FYB2: variants seen among roughly 807,000 people sequenced by gnomAD.
FYB2 encodes the protein FYN binding protein 2.
FYB2 carries 103 observed loss-of-function variants against 94.1 expected under a neutral mutation model. The observed-to-expected ratio is 1.09, with a 90% CI of 0.93 to 1.29. FYB2 has a LOEUF of 1.29. Among genes scored for constraint, FYB2 ranks in the 50% most tolerant of loss-of-function variants. The pLI is 0.00. For missense variants in FYB2, 896 were observed against 841.5 expected, an observed-to-expected ratio of 1.06 and a Z score of -0.80; for synonymous variants, 293 against 287.9, an observed-to-expected ratio of 1.02 and a Z score of -0.18.
chr1:56,744,410 T>A (rs1360759231), intron 9 of FYB2, 144 bp from the exon 10 acceptor site: 3 of 628,250 alleles, frequency 4.8e-6, no homozygotes, highest in African/African-American at 3.7e-5. Context: ...GTATGTATGA[T>A]CCTTGGGCAA....
In FYB2 at chr1:56,792,500, C is replaced by A; in HGVS notation, c.313G>T (p.Ala105Ser). ...AGAGAAGCCTTCTGTGAACTTGTTGCAGAACATACAGTAGACTTTCCCAGA... is the reference window on the plus strand; with the variant it reads ...AGAGAAGCCTTCTGTGAACTTGTTGAAGAACATACAGTAGACTTTCCCAGA... ...GPLGKSTVCS[A>S]TSSQKASLLL... The change falls in exon 2 of 20, where the codon GCA (alanine) becomes TCA (serine). Residue 105 changes from alanine to serine, a missense_variant. Transcript: ENST00000343433. 6.2e-7 allele frequency: 1 copy of A among 1,614,132 alleles called. No individual in the cohort carries two copies. Among genetic ancestry groups the A allele is most frequent in the Non-Finnish European group, 8.5e-7 (1 of 1,180,000 alleles).
chr1:56,823,724 A>T (rs942366870), upstream of FYB2: 1 of 152,204 alleles, frequency 6.6e-6, no homozygotes, highest in African/African-American at 2.4e-5. Context: ...ACCTGCTTTG[A>T]GCCAGGTGCT....
chr1:56,804,208 A>G (rs1646585429), intron 1 of FYB2, among the ~76,000 whole-genome samples: 2 of 152,156 alleles, frequency 1.3e-5, no homozygotes, highest in South Asian at 4.1e-4. Context: ...CCTATATTCC[A>G]TGAACTCCTT....
At chr1:56,825,335 G>T in the FYB2 span, among the ~76,000 whole-genome samples, 1 of 152,142 alleles carries the variant, frequency 6.6e-6, no homozygotes, top group Admixed American at 6.5e-5. Flanking sequence ...GAGGTCTAGA[G>T]AAGAGTGCTA....
Position 56,805,350 on chromosome 1 carries a change from A to G in FYB2, c.10-12547T>C, listed in dbSNP as rs551213731. On this transcript the variant is annotated intron_variant, in intron 1 of 19. Coordinates refer to ENST00000343433, the MANE Select transcript of FYB2 (RefSeq NM_001004303.5). Reference sequence around the variant, plus strand: ...TTGTTGTATATTTGTGGGTAGGGTAACTGGGGAAAAATTGGGAGTAATTCT... The same window carrying G: ...TTGTTGTATATTTGTGGGTAGGGTAGCTGGGGAAAAATTGGGAGTAATTCT... 2.4e-4 allele frequency among the ~76,000 whole-genome samples: 36 copies of G among 152,346 alleles called. 2 individuals are homozygous for G. The South Asian group carries it at 7.0e-3, about 30-fold the overall frequency.
At chr1:56,761,555 A>G (rs921218921) in intron 5 of FYB2, among the ~76,000 whole-genome samples, 6 of 152,224 alleles carry the variant, frequency 3.9e-5, no homozygotes, top group African/African-American at 1.4e-4. Flanking sequence ...TCTGCAAAGC[A>G]CTAGTCTATA....
intron 4 of FYB2, among the ~76,000 whole-genome samples, chr1:56,785,931 C>T (rs1211782097): frequency 5.3e-5 from 8 of 152,196 alleles, no homozygotes; most frequent in Non-Finnish European, 8.8e-5. Context: ...GGCCATATTA[C>T]TTGCTTGGAC....
intron 4 of FYB2, among the ~76,000 whole-genome samples, chr1:56,775,561 C>T (rs1557145): frequency 0.18 from 27,783 of 152,054 alleles, 3,272 homozygotes; most frequent in East Asian, 0.45. Context: ...ATTATTCTTT[C>T]CACAATCAGA....
At chr1:56,755,325 C>A (rs1273019885) in intron 7 of FYB2, among the ~76,000 whole-genome samples, 3 of 152,036 alleles carry the variant, frequency 2.0e-5, no homozygotes, top group Admixed American at 2.0e-4. Flanking sequence ...ACATACTGTG[C>A]AAACAGACCT....
At chr1:56,818,455 AAC>A (rs3991685) in intron 1 of FYB2, among the ~76,000 whole-genome samples, 14,829 of 139,666 alleles carry the variant, frequency 0.11, 847 homozygotes, top group African/African-American at 0.17. Flanking sequence ...GTATGGAAGC[AAC>A]ACACACACAC....
At chr1:56,739,751 T>C (rs1417324216) in intron 13 of FYB2, among the ~76,000 whole-genome samples, 1 of 152,100 alleles carries the variant, frequency 6.6e-6, no homozygotes, top group Non-Finnish European at 1.5e-5. Flanking sequence ...TTACATGAGA[T>C]AGTCAACACT....
At chr1:56,723,714 A>G (rs1162900716) in intron 16 of FYB2, 33 bp from the exon 17 acceptor site, 3 of 1,270,630 alleles carry the variant, frequency 2.4e-6, no homozygotes, top group Non-Finnish European at 2.2e-6. Flanking sequence ...GGTAAAACGT[A>G]CTATAATAAA....
intron 4 of FYB2, among the ~76,000 whole-genome samples, chr1:56,783,484 T>C (rs1174526418): frequency 6.6e-6 from 1 of 152,174 alleles, no homozygotes; most frequent in Non-Finnish European, 1.5e-5. Context: ...GACTCCTGTT[T>C]TATACATTAT....
Position 56,753,867 on chromosome 1 carries a change from T to A in FYB2, c.1199A>T (p.Lys400Met). ...GAAAACATGGTTTGAATATGGTTCCTTTTCTGTGTTTTTAGGTTTCAATTC... is the reference window on the plus strand; with the variant it reads ...GAAAACATGGTTTGAATATGGTTCCATTTCTGTGTTTTTAGGTTTCAATTC... ...PCELKPKNTE[K>M]EPYSNHVFKV... Residue 400 changes from lysine (K) to methionine (M), a missense_variant, in exon 8 of 20, where the codon AAG (lysine) becomes ATG (methionine). Physicochemically the swap from Lys to Met is moderately conservative, Grantham distance 95. Transcript: ENST00000343433. 6.2e-7 allele frequency: 1 copy of A among 1,610,608 alleles called. No individual in the cohort carries two copies. Among genetic ancestry groups the A allele is most frequent in the East Asian group, 2.2e-5 (1 of 44,806 alleles).
At chr1:56,805,998 T>A (rs543007615) in intron 1 of FYB2, among the ~76,000 whole-genome samples, 1 of 152,324 alleles carries the variant, frequency 6.6e-6, no homozygotes, top group South Asian at 2.1e-4. Context: ...TAAAATCAAC[T>A]CTATGCTATA....
chr1:56,735,471 G>A (rs115768226), intron 15 of FYB2, among the ~76,000 whole-genome samples: 33 of 152,248 alleles, frequency 2.2e-4, no homozygotes, highest in Non-Finnish European at 3.7e-4. Context: ...GTAGGGAATA[G>A]AGAGAGATTA....
chr1:56,735,074 A>T (rs1415855021), intron 15 of FYB2, among the ~76,000 whole-genome samples: 1 of 152,144 alleles, frequency 6.6e-6, no homozygotes, highest in Non-Finnish European at 1.5e-5. Flanking sequence ...CTACAAATAG[A>T]ACTATCATAT....
chr1:56,783,603 G>A (rs779130132), intron 4 of FYB2, among the ~76,000 whole-genome samples: 3 of 152,142 alleles, frequency 2.0e-5, no homozygotes, highest in Admixed American at 6.6e-5. Flanking sequence ...ACCAAAGAGT[G>A]TATCTTAGAC....
chr1:56,770,509 G>A (rs1051549162), intron 4 of FYB2, among the ~76,000 whole-genome samples: 1 of 152,098 alleles, frequency 6.6e-6, no homozygotes, highest in African/African-American at 2.4e-5. Flanking sequence ...AGAGATTTTA[G>A]CCCAAATTCA....
Sources: gnomAD v4.1 joint callset for allele counts (sites outside exome capture counted in the v4.1 genomes callset) on GRCh38, gnomAD v4.1.1 for gene constraint, MANE v1.5 for transcripts, NCBI Gene and HGNC (gene_info 2026-07-23, HGNC 2026-07-21) for gene names.